Variants in PDE3A observed in about 807,000 individuals in gnomAD.
The protein encoded by PDE3A is phosphodiesterase 3A.
In PDE3A, 43 loss-of-function variants were observed where a neutral mutation model predicts 98.3. The ratio of observed to expected loss-of-function variants is 0.44; its 90% CI spans 0.34 to 0.56. PDE3A has a LOEUF of 0.56. Ranked by LOEUF, PDE3A falls within the 20% of genes least tolerant of loss-of-function variation. PDE3A has a pLI of 0.01. For synonymous variants in PDE3A, 663 were observed against 567.9 expected, an observed-to-expected ratio of 1.17 and a Z score of -2.38; for missense variants, 1,427 against 1,440.7, an observed-to-expected ratio of 0.99 and a Z score of 0.15.
intron 2 of PDE3A, among the ~76,000 whole-genome samples, chr12:20,558,519 T>C (rs1285585224): frequency 6.6e-6 from 1 of 151,590 alleles, no homozygotes; most frequent in Non-Finnish European, 1.5e-5. Context: ...TCAACTCAGA[T>C]GAAAACTGTC....
At chr12:20,384,831 T>A (rs1272722485) in intron 1 of PDE3A, among the ~76,000 whole-genome samples, 1 of 152,118 alleles carries the variant, frequency 6.6e-6, no homozygotes, top group Non-Finnish European at 1.5e-5. Flanking sequence ...GGCTTCCAGC[T>A]CCATCCGTGT....
rs574317954 is a variant in PDE3A, at chr12:20,593,258, G to T, written c.1012-20185G>T. Among the ~76,000 whole-genome samples the T allele has an allele frequency of 1.4e-3, 207 of 152,324 alleles. 2 individuals carry two copies. Among genetic ancestry groups the T allele is most frequent in the African/African-American group, 4.6e-3 (192 of 41,582 alleles). On this transcript the variant is annotated intron_variant, in intron 2 of 15. Transcript: ENST00000359062. ...GGTTGTGGCATCATATCTGTAAAGA[G>T]AATCCAGGTTAGCTGGAGGGATGAG...
chr12:20,575,976 T>C (rs989366099), intron 2 of PDE3A, among the ~76,000 whole-genome samples: 1 of 151,922 alleles, frequency 6.6e-6, no homozygotes, highest in East Asian at 1.9e-4. Context: ...TATTGCTATA[T>C]CTTAATTTGA....
At chr12:20,672,269 T>C (rs1194400218) in intron 15 of PDE3A, among the ~76,000 whole-genome samples, 2 of 147,142 alleles carry the variant, frequency 1.4e-5, no homozygotes, top group Admixed American at 1.4e-4. Context: ...ATGGCCATAC[T>C]GCCCAAGGTA....
chr12:20,536,645 C>G (rs968011150), intron 1 of PDE3A, among the ~76,000 whole-genome samples: 6 of 152,020 alleles, frequency 3.9e-5, no homozygotes, highest in Admixed American at 6.6e-5. Flanking sequence ...TATTTGCAGT[C>G]TTTTGTAATT....
chr12:20,505,819 C>A (rs1202703550), intron 1 of PDE3A, among the ~76,000 whole-genome samples: 1 of 151,844 alleles, frequency 6.6e-6, no homozygotes, highest in Non-Finnish European at 1.5e-5. Context: ...TAGCAGAAGG[C>A]TTTTTGCAAG....
intron 15 of PDE3A, among the ~76,000 whole-genome samples, chr12:20,678,082 A>T (rs1401375787): frequency 6.6e-6 from 1 of 152,128 alleles, no homozygotes; most frequent in Non-Finnish European, 1.5e-5. Flanking sequence ...CTCTGAAGCA[A>T]TGCCATCACA....
intron 1 of PDE3A, among the ~76,000 whole-genome samples, chr12:20,530,108 T>A (rs1321351965): frequency 6.6e-6 from 1 of 152,202 alleles, no homozygotes; most frequent in African/African-American, 2.4e-5. Flanking sequence ...TTTATTAAAA[T>A]AAAAACTCAA....
chr12:20,456,019 G>GA (rs1051257952), intron 1 of PDE3A, among the ~76,000 whole-genome samples: 28 of 152,052 alleles, frequency 1.8e-4, no homozygotes, highest in African/African-American at 6.3e-4. Context: ...AAATACATGA[G>GA]AAAAAATGTT....
intron 1 of PDE3A, among the ~76,000 whole-genome samples, chr12:20,458,561 C>T (rs1221555688): frequency 6.6e-6 from 1 of 150,740 alleles, no homozygotes; most frequent in Non-Finnish European, 1.5e-5. Flanking sequence ...GACATTCAAC[C>T]TACTGCCTGC....
rs189672828 is a variant in PDE3A, at chr12:20,474,927, C to T, written c.961-81733C>T. On this transcript the variant is annotated intron_variant, in intron 1 of 15. Coordinates refer to ENST00000359062, the MANE Select transcript of PDE3A (RefSeq NM_000921.5). The stretch of plus-strand genomic sequence containing the variant: ...ATTAGAATGTGGCTATCTTTGGGGG[C>T]CATTATTCATCCTAACATAGAAGAT... Among the ~76,000 whole-genome samples the T allele has an allele frequency of 4.6e-3, 702 of 152,110 alleles. 3 individuals are homozygous for T. The highest frequency in any genetic ancestry group is 0.014 in the Admixed American group (217 of 15,286).
intron 1 of PDE3A, among the ~76,000 whole-genome samples, chr12:20,412,313 G>C (rs1944347938): frequency 6.6e-6 from 1 of 152,176 alleles, no homozygotes; most frequent in Non-Finnish European, 1.5e-5. Context: ...TTTATTGCAT[G>C]ATTGCCAGTT....
intron 1 of PDE3A, among the ~76,000 whole-genome samples, chr12:20,397,422 T>C (rs138282495): frequency 2.2e-3 from 341 of 152,142 alleles, no homozygotes; most frequent in African/African-American, 7.8e-3. Context: ...TTGGTACCTA[T>C]AAAGATACAT....
intron 1 of PDE3A, among the ~76,000 whole-genome samples, chr12:20,470,824 A>G (rs182657831): frequency 1.3e-5 from 2 of 152,124 alleles, no homozygotes; most frequent in East Asian, 1.9e-4. Context: ...ATGTGATGGT[A>G]TTTGGTGAAG....
intron 15 of PDE3A, among the ~76,000 whole-genome samples, chr12:20,664,890 A>G (rs1035701606): frequency 1.3e-5 from 2 of 152,076 alleles, no homozygotes; most frequent in African/African-American, 4.8e-5. Flanking sequence ...CTTTCTCAGT[A>G]CATCTTACCA....
At chr12:20,509,248 G>T (rs1946173782) in intron 1 of PDE3A, among the ~76,000 whole-genome samples, 1 of 152,060 alleles carries the variant, frequency 6.6e-6, no homozygotes, top group African/African-American at 2.4e-5. Flanking sequence ...CACAGCTGCT[G>T]CCTTTTAAAC....
chr12:20,412,609 A>G (rs1485088533), intron 1 of PDE3A, among the ~76,000 whole-genome samples: 1 of 152,196 alleles, frequency 6.6e-6, no homozygotes, highest in Non-Finnish European at 1.5e-5. Context: ...GAATGCTGTT[A>G]TGGCACATGA....
At chr12:20,457,099 A>G (rs926335628) in intron 1 of PDE3A, among the ~76,000 whole-genome samples, 1 of 151,990 alleles carries the variant, frequency 6.6e-6, no homozygotes, top group African/African-American at 2.4e-5. Context: ...ACAAAACCTG[A>G]CAATTCACGT....
At chr12:20,639,592 C>G (rs1944600911) in intron 9 of PDE3A, among the ~76,000 whole-genome samples, 1 of 152,054 alleles carries the variant, frequency 6.6e-6, no homozygotes, top group Admixed American at 6.6e-5. Flanking sequence ...CACCTTTTGG[C>G]TGAGACTAAA....
Sources: allele counts gnomAD v4.1 joint callset (sites outside exome capture counted in the v4.1 genomes callset), GRCh38; gene constraint gnomAD v4.1.1; transcripts MANE v1.5; gene names NCBI Gene and HGNC (gene_info 2026-07-23, HGNC 2026-07-21).